The following ELOVL7 variants were observed in gnomAD, a reference collection of about 807,000 sequenced individuals.
The protein encoded by ELOVL7 is very long chain fatty acid elongase 7.
In ELOVL7, 27 loss-of-function variants were observed where a neutral mutation model predicts 35.7. The ratio of observed to expected loss-of-function variants is 0.76; its 90% CI spans 0.56 to 1.04. The LOEUF is 1.04. Among genes scored for constraint, ELOVL7 ranks in the 50% least tolerant of loss-of-function variants. ELOVL7 has a pLI of 0.00. For synonymous variants in ELOVL7, 113 were observed against 114.6 expected, an observed-to-expected ratio of 0.99 and a Z score of 0.09; for missense variants, 327 against 340.8, an observed-to-expected ratio of 0.96 and a Z score of 0.32.
intron 3 of ELOVL7, among the ~76,000 whole-genome samples, chr5:60,776,459 G>T (rs575746256): frequency 2.0e-5 from 3 of 152,282 alleles, no homozygotes; most frequent in African/African-American, 7.2e-5. Context: ...GCAAAGACAT[G>T]TAATCAACCT....
rs535808084 is a variant in ELOVL7, at chr5:60,813,159, C to T, written c.-85-13929G>A. Among the ~76,000 whole-genome samples the T allele has an allele frequency of 1.8e-3, 275 of 152,296 alleles. 1 individual carries two copies. The highest frequency in any genetic ancestry group is 5.9e-3 in the African/African-American group (245 of 41,570). ...ACCAACAGGTTTATTGATCCGTCAC[C>T]TTCACAGGCGTTAATGGCTTGACTT... On this transcript the variant is annotated intron_variant, in intron 1 of 8. Transcript: ENST00000508821.
At chr5:60,758,284 A>G (rs1257113693) in intron 7 of ELOVL7, among the ~76,000 whole-genome samples, 2 of 152,252 alleles carry the variant, frequency 1.3e-5, no homozygotes, top group Non-Finnish European at 2.9e-5. Context: ...TATACCATAT[A>G]AACGCATCAC....
At chr5:60,766,704 A>G in intron 5 of ELOVL7, 74 bp from the exon 6 acceptor site, 1 of 1,292,846 alleles carries the variant, frequency 7.7e-7, no homozygotes, top group Non-Finnish European at 1.1e-6. Flanking sequence ...TTTTGGTAAA[A>G]TATGCATACC....
chr5:60,834,416 A>G (rs1324279553), intron 1 of ELOVL7, among the ~76,000 whole-genome samples: 2 of 152,222 alleles, frequency 1.3e-5, no homozygotes, highest in African/African-American at 4.8e-5. Flanking sequence ...AAGTGCTGGG[A>G]TTACAGGCGT....
At chr5:60,772,146 A>G in intron 3 of ELOVL7, 53 bp from the exon 4 acceptor site, 2 of 1,180,874 alleles carry the variant, frequency 1.7e-6, no homozygotes, top group Non-Finnish European at 2.4e-6. Flanking sequence ...GGGGTAACTA[A>G]CAGCAACCAA....
intron 7 of ELOVL7, among the ~76,000 whole-genome samples, chr5:60,762,344 A>G (rs1373986791): frequency 1.3e-5 from 2 of 151,572 alleles, no homozygotes; most frequent in Non-Finnish European, 1.5e-5. Context: ...TCATATTTAA[A>G]TTCTCATTAT....
intron 1 of ELOVL7, among the ~76,000 whole-genome samples, chr5:60,839,725 T>C (rs1747047371): frequency 6.6e-6 from 1 of 152,182 alleles, no homozygotes; most frequent in Non-Finnish European, 1.5e-5. Context: ...CCAGGCCATG[T>C]GCAATGGCTC....
intron 1 of ELOVL7, among the ~76,000 whole-genome samples, chr5:60,838,026 G>C (rs1283191297): frequency 6.6e-6 from 1 of 152,192 alleles, no homozygotes; most frequent in South Asian, 2.1e-4. Context: ...GGGAGGAGGA[G>C]AGGTTTCATA....
intron 1 of ELOVL7, among the ~76,000 whole-genome samples, chr5:60,818,631 T>C (rs968783826): frequency 4.6e-5 from 7 of 152,128 alleles, no homozygotes; most frequent in African/African-American, 1.2e-4. Flanking sequence ...CTTGAAGCTA[T>C]AGCTTACTAA....
intron 1 of ELOVL7, among the ~76,000 whole-genome samples, chr5:60,804,486 A>C (rs190114565): frequency 6.6e-6 from 1 of 152,180 alleles, no homozygotes; most frequent in South Asian, 2.1e-4. Context: ...AACATGTGCA[A>C]AGAGTCTAGA....
At chr5:60,756,621 T>A (rs1222689038) in intron 8 of ELOVL7, among the ~76,000 whole-genome samples, 7 of 152,132 alleles carry the variant, frequency 4.6e-5, no homozygotes, top group African/African-American at 1.7e-4. Flanking sequence ...TGATTTAGGA[T>A]CCTTATCCAT....
At chr5:60,786,923 C>A (rs541280988) in intron 3 of ELOVL7, among the ~76,000 whole-genome samples, 1 of 151,190 alleles carries the variant, frequency 6.6e-6, no homozygotes, top group East Asian at 2.0e-4. Flanking sequence ...TGCACCACTG[C>A]ACTCCAGCTT....
intron 1 of ELOVL7, among the ~76,000 whole-genome samples, chr5:60,808,420 A>G (rs1415486410): frequency 1.3e-5 from 2 of 152,228 alleles, no homozygotes; most frequent in African/African-American, 4.8e-5. Flanking sequence ...GAACTCAAAG[A>G]ATAAGAAAAA....
chr5:60,777,280 T>C (rs1742964264), intron 3 of ELOVL7, among the ~76,000 whole-genome samples: 1 of 151,400 alleles, frequency 6.6e-6, no homozygotes, highest in South Asian at 2.1e-4. Flanking sequence ...AGGGGATGGA[T>C]ACCCCCATTT....
rs1013649865 is a variant in ELOVL7 at position 60,754,266 on chromosome 5, C to A, written c.*358G>T. 4.1e-4 allele frequency: 82 copies of A among 198,840 alleles called. No individual in the cohort carries two copies. Among genetic ancestry groups the A allele is most frequent in the African/African-American group, 1.9e-3 (79 of 42,558 alleles). 12.3% of individuals were successfully genotyped at this position (198,840 alleles called of 1,614,324 possible). A position where few individuals can be genotyped will look rare whatever the true frequency, so the allele number is the denominator to read the frequency against. On this transcript the variant is annotated 3_prime_UTR_variant, in exon 9 of 9. Transcript: ENST00000508821. ...TATCACATGGATCTCCGTCTGTGCT[C>A]AAAATACCTAATGATATTTTTCATC...
intron 1 of ELOVL7, among the ~76,000 whole-genome samples, chr5:60,803,078 C>T (rs965091472): frequency 4.6e-5 from 7 of 152,192 alleles, no homozygotes; most frequent in African/African-American, 1.7e-4. Flanking sequence ...CTTCTCAATC[C>T]TCCTCCAGAG....
chr5:60,754,432 T>C lies in ELOVL7; in HGVS notation c.*192A>G, dbSNP rs1158062469. ...AAAAACAAAAACAAATTCTGGCTGCTGTAGGCTCTAATTATCAGAAGACTG... is the reference window on the plus strand; with the variant it reads ...AAAAACAAAAACAAATTCTGGCTGCCGTAGGCTCTAATTATCAGAAGACTG... On this transcript the variant is annotated 3_prime_UTR_variant, in exon 9 of 9. Coordinates refer to ENST00000508821, the MANE Select transcript of ELOVL7 (RefSeq NM_024930.3). The C allele has an allele frequency of 3.5e-6, 2 of 577,244 alleles. No homozygotes were observed. Among genetic ancestry groups the C allele is most frequent in the East Asian group, 5.7e-5 (2 of 35,042 alleles). The allele number at this position is 577,244 out of a possible 1,614,324, so 35.8% of individuals were successfully genotyped here.
chr5:60,840,240 T>C (rs1390280534), intron 1 of ELOVL7, among the ~76,000 whole-genome samples: 1 of 152,174 alleles, frequency 6.6e-6, no homozygotes, highest in East Asian at 1.9e-4. Context: ...GTGCTATTAT[T>C]TGGACATTGA....
At chr5:60,815,913 C>T (rs773852632) in intron 1 of ELOVL7, among the ~76,000 whole-genome samples, 9 of 152,156 alleles carry the variant, frequency 5.9e-5, no homozygotes, top group South Asian at 4.1e-4. Context: ...AGTGAAAAGA[C>T]GTCTCAGGCA....
Sources: gnomAD v4.1 joint callset for allele counts (sites outside exome capture counted in the v4.1 genomes callset) on GRCh38, gnomAD v4.1.1 for gene constraint, MANE v1.5 for transcripts, NCBI Gene and HGNC (gene_info 2026-07-23, HGNC 2026-07-21) for gene names.